Variants in ABCG2 observed in about 807,000 individuals in gnomAD.
The protein encoded by ABCG2 is broad substrate specificity ATP-binding cassette transporter ABCG2.
ABCG2 carries 80 observed loss-of-function variants against 73.5 expected under a neutral mutation model. The ratio of observed to expected loss-of-function variants is 1.09; its 90% CI spans 0.91 to 1.31. The LOEUF (loss-of-function observed/expected upper bound fraction) is 1.31, where lower values mean the gene tolerates loss of function less well. Among genes scored for constraint, ABCG2 ranks in the 50% most tolerant of loss-of-function variants. The probability of loss-of-function intolerance (pLI) is 0.00; values close to 1 mark genes in which losing one functional copy is unlikely to be tolerated. For missense variants in ABCG2, 796 were observed against 786.2 expected (o/e 1.01, Z -0.15); for synonymous variants, 269 against 282.4 (o/e 0.95, Z 0.48).
chr4:88,095,589 G>T lies in ABCG2; in HGVS notation c.1668C>A (p.Val556=). 1.9e-6 allele frequency: 3 copies of T among 1,613,616 alleles called. No homozygotes were observed. In the South Asian group the frequency reaches 3.3e-5, roughly 18 times the overall value. ...VFMMIFSGLL[V]NLTTIASWLS... ...GCCAAGATGCAATGGTTGTGAGATT[G>T]ACCAACAGACCTGAAAAAATCTACA... is the stretch of plus-strand genomic sequence containing the variant. Residue 556 remains valine (V), a synonymous_variant, in exon 14 of 16, where the codon GTC becomes GTA. Coordinates refer to ENST00000237612, the MANE Select transcript of ABCG2 (RefSeq NM_004827.3).
upstream of ABCG2, chr4:88,158,765 T>G (rs1348741449): frequency 2.7e-6 from 1 of 368,008 alleles, no homozygotes; most frequent in Non-Finnish European, 5.2e-6. Context: ...GCGGCCGGCG[T>G]GGGAGGCGCT....
chr4:88,108,595 T>C (rs1359869650), intron 9 of ABCG2, among the ~76,000 whole-genome samples: 2 of 151,930 alleles, frequency 1.3e-5, no homozygotes, highest in Non-Finnish European at 2.9e-5. Context: ...GAAGACAAAA[T>C]ATCCTACCAT....
At chr4:88,205,961 G>A (rs939883072) in intron 1 of ABCG2, among the ~76,000 whole-genome samples, 2 of 152,136 alleles carry the variant, frequency 1.3e-5, no homozygotes, top group South Asian at 2.1e-4. Flanking sequence ...AATTACAGGC[G>A]TGAGCCACCA....
At chr4:88,168,673 C>A (rs2110091413) in intron 1 of ABCG2, among the ~76,000 whole-genome samples, 1 of 152,120 alleles carries the variant, frequency 6.6e-6, no homozygotes, top group Non-Finnish European at 1.5e-5. Flanking sequence ...AAGAATTCAC[C>A]AAACTACATT....
At chr4:88,204,369 C>G (rs1479572722) in intron 1 of ABCG2, among the ~76,000 whole-genome samples, 1 of 151,964 alleles carries the variant, frequency 6.6e-6, no homozygotes, top group African/African-American at 2.4e-5. Flanking sequence ...TGCAGTGAGC[C>G]GAGATCGTGC....
chr4:88,181,362 T>TGCACTCCA (rs1184259348), intron 1 of ABCG2, among the ~76,000 whole-genome samples: 2 of 134,052 alleles, frequency 1.5e-5, no homozygotes, highest in African/African-American at 5.9e-5. Context: ...ACCGTGCCAC[T>TGCACTCCA]GCACTCCAGC....
intron 1 of ABCG2, among the ~76,000 whole-genome samples, chr4:88,201,007 T>A (rs1025084111): frequency 5.4e-5 from 8 of 148,464 alleles, no homozygotes; most frequent in Non-Finnish European, 1.0e-4. Flanking sequence ...AAAAGACAAA[T>A]CCAAAATCAA....
At chr4:88,207,889 ATTTTT>A (rs1384385380) in intron 1 of ABCG2, among the ~76,000 whole-genome samples, 1 of 152,104 alleles carries the variant, frequency 6.6e-6, no homozygotes, top group African/African-American at 2.4e-5. Flanking sequence ...AATGAAGGAT[ATTTTT>A]GTTGGCTGAA....
chr4:88,153,980 C>T (rs1001512920), intron 1 of ABCG2, among the ~76,000 whole-genome samples: 5 of 152,102 alleles, frequency 3.3e-5, no homozygotes, highest in Non-Finnish European at 4.4e-5. Flanking sequence ...CGGCTTGTAA[C>T]CTACATGGAA....
chr4:88,186,979 A>G (rs963187233), intron 1 of ABCG2, among the ~76,000 whole-genome samples: 3 of 148,252 alleles, frequency 2.0e-5, no homozygotes, highest in Non-Finnish European at 4.5e-5. Context: ...TGTAATCCCA[A>G]CTCCTCGGGA....
chr4:88,167,600 C>T (rs1727593262), intron 1 of ABCG2, among the ~76,000 whole-genome samples: 1 of 152,028 alleles, frequency 6.6e-6, no homozygotes, highest in Non-Finnish European at 1.5e-5. Flanking sequence ...GTTTCGAACT[C>T]CTGACCTCAG....
chr4:88,225,158 T>G (rs1158899542), intron 1 of ABCG2, among the ~76,000 whole-genome samples: 1 of 152,062 alleles, frequency 6.6e-6, no homozygotes, highest in African/African-American at 2.4e-5. Flanking sequence ...GTTGGTAAAC[T>G]TTTTTTTGTA....
At chr4:88,156,984 C>T (rs1336370459) in intron 1 of ABCG2, among the ~76,000 whole-genome samples, 2 of 152,160 alleles carry the variant, frequency 1.3e-5, no homozygotes, top group Non-Finnish European at 2.9e-5. Context: ...CGCCTATAAT[C>T]CCAGCTACTC....
At chr4:88,207,929 A>G (rs1729444603) in intron 1 of ABCG2, among the ~76,000 whole-genome samples, 1 of 152,176 alleles carries the variant, frequency 6.6e-6, no homozygotes, top group African/African-American at 2.4e-5. Context: ...GTTCATGTGA[A>G]TTTTAGAAAT....
At chr4:88,112,351 C>T (rs1056396690) in intron 9 of ABCG2, among the ~76,000 whole-genome samples, 1 of 152,092 alleles carries the variant, frequency 6.6e-6, no homozygotes, top group Non-Finnish European at 1.5e-5. Flanking sequence ...GCACATACTC[C>T]CTTTCAGGTG....
In ABCG2 at chr4:88,091,997, T is replaced by C. The variant is rs552242687; in HGVS notation, c.*237A>G. 5.6e-6 allele frequency: 2 copies of C among 360,076 alleles called. No individual in the cohort carries two copies. The highest frequency in any genetic ancestry group is 9.5e-5 in the East Asian group (2 of 20,976). 22.3% of individuals were successfully genotyped at this position (360,076 alleles called of 1,614,324 possible). The stretch of plus-strand genomic sequence containing the variant: ...AGATTAATAAATTAGACCAGATTTC[T>C]TCCCCATGGTTACTGTCTGAGGAGA... On this transcript the variant is annotated 3_prime_UTR_variant, in exon 16 of 16. Transcript: ENST00000237612.
intron 2 of ABCG2, among the ~76,000 whole-genome samples, chr4:88,139,449 T>G (rs935649115): frequency 2.6e-5 from 4 of 152,090 alleles, no homozygotes; most frequent in Non-Finnish European, 5.9e-5. Flanking sequence ...GAGACAGGGT[T>G]TCACTATGTC....
At chr4:88,135,951 C>T (rs1380494351) in intron 2 of ABCG2, among the ~76,000 whole-genome samples, 1 of 152,116 alleles carries the variant, frequency 6.6e-6, no homozygotes, top group Non-Finnish European at 1.5e-5. Context: ...CAATCTCCCA[C>T]CCTCTCTAGC....
At chr4:88,195,504 C>T (rs941749971) in intron 1 of ABCG2, among the ~76,000 whole-genome samples, 5 of 152,152 alleles carry the variant, frequency 3.3e-5, no homozygotes, top group African/African-American at 1.2e-4. Flanking sequence ...CACAGGTCTG[C>T]AGCAACCTCA....
Sources: gnomAD v4.1 joint callset for allele counts (sites outside exome capture counted in the v4.1 genomes callset) on GRCh38, gnomAD v4.1.1 for gene constraint, MANE v1.5 for transcripts, NCBI Gene and HGNC (gene_info 2026-07-23, HGNC 2026-07-21) for gene names.